Variants in APP observed in about 807,000 individuals in gnomAD.
APP encodes the protein amyloid-beta precursor protein.
A neutral mutation model predicts 101.4 loss-of-function variants in APP; 31 were observed. That is an observed-to-expected ratio of 0.31 (90% confidence interval 0.23 to 0.41). APP has a LOEUF of 0.41. Ranked by LOEUF, APP falls within the 10% of genes least tolerant of loss-of-function variation. The pLI is 1.00. For synonymous variants in APP, 366 were observed against 364.4 expected (o/e 1.00, Z -0.05); for missense variants, 839 against 1,003.7 (o/e 0.84, Z 2.22).
intron 3 of APP, chr21:26,089,652 G>A (rs1601431052): frequency 1.5e-5 from 4 of 265,078 alleles, no homozygotes; most frequent in African/African-American, 6.5e-5. Flanking sequence ...AAGAATTCCC[G>A]GATCCGCTAC....
chr21:26,025,471 T>C (rs2044528025), intron 5 of APP, among the ~76,000 whole-genome samples: 1 of 152,190 alleles, frequency 6.6e-6, no homozygotes, highest in Non-Finnish European at 1.5e-5. Flanking sequence ...GATGTCCAAG[T>C]GTACCATCCA....
Position 25,915,309 on chromosome 21 carries a change from A to C in APP, c.1688-3347T>G, listed in dbSNP as rs113684422. Among the ~76,000 whole-genome samples the C allele has an allele frequency of 4.3e-3, 651 of 152,318 alleles. 5 individuals carry two copies. Among genetic ancestry groups the C allele is most frequent in the African/African-American group, 0.015 (616 of 41,562 alleles). On this transcript the variant is annotated intron_variant, in intron 13 of 17. Transcript: ENST00000346798. Reference sequence around the variant, plus strand: ...TTGAACTCTTTAGAGCCCAGCTCAAATGCCCTCTCCTGTATGACTCTCCTC... The same window carrying C: ...TTGAACTCTTTAGAGCCCAGCTCAACTGCCCTCTCCTGTATGACTCTCCTC...
intron 14 of APP, 52 bp downstream of exon 14, chr21:25,911,689 T>C: frequency 6.7e-7 from 1 of 1,487,082 alleles, no homozygotes; most frequent in East Asian, 2.3e-5. Context: ...ACACGTTATG[T>C]ATGTGTATAT....
intron 1 of APP, among the ~76,000 whole-genome samples, chr21:26,128,647 C>G (rs888327981): frequency 6.6e-6 from 1 of 151,868 alleles, no homozygotes; most frequent in Non-Finnish European, 1.5e-5. Context: ...ACAGTTATTA[C>G]CTGGGAGTGG....
Position 25,912,271 on chromosome 21 carries a change from TC to T in APP, c.1688-310del, listed in dbSNP as rs1329228644. 2.0e-5 allele frequency among the ~76,000 whole-genome samples: 3 copies of T among 152,302 alleles called. No individual in the cohort carries two copies. In the East Asian group the frequency reaches 5.8e-4, roughly 29 times the overall value. ...GCTAGAGGTGAAAGGCCACAGGGGC[TC>T]AGCTGCCATTTCCTCCTGACACAGT... On this transcript the variant is annotated intron_variant, in intron 13 of 17. Transcript: ENST00000346798.
At chr21:26,045,993 CAA>C (rs200804899) in intron 5 of APP, among the ~76,000 whole-genome samples, 1,759 of 151,760 alleles carry the variant, frequency 0.012, 36 homozygotes, top group African/African-American at 0.04. Context: ...TGGCAGCAGG[CAA>C]AGAGAGAGAA....
At chr21:26,103,972 CAGCTCTGGA>C (rs1194844307) in intron 2 of APP, among the ~76,000 whole-genome samples, 1 of 152,164 alleles carries the variant, frequency 6.6e-6, no homozygotes, top group African/African-American at 2.4e-5. Flanking sequence ...TCTTTTGTCA[CAGCTCTGGA>C]AGCTGGAAGT....
chr21:26,102,743 T>C (rs1310111601), intron 2 of APP, among the ~76,000 whole-genome samples: 1 of 151,492 alleles, frequency 6.6e-6, no homozygotes, highest in Non-Finnish European at 1.5e-5. Flanking sequence ...ATACAAAAAT[T>C]ATCTGAGAAT....
At chr21:26,048,494 T>C (rs1010675356) in intron 5 of APP, among the ~76,000 whole-genome samples, 1 of 152,206 alleles carries the variant, frequency 6.6e-6, no homozygotes, top group African/African-American at 2.4e-5. Context: ...AAAGTCGTCC[T>C]GGGCAGTGGG....
intron 14 of APP, among the ~76,000 whole-genome samples, chr21:25,907,507 T>C (rs1188925211): frequency 1.3e-5 from 2 of 152,224 alleles, no homozygotes; most frequent in Non-Finnish European, 2.9e-5. Context: ...ACATCTTACA[T>C]TGGCTGTTTA....
At chr21:25,885,478 A>G (rs2037263417) in intron 17 of APP, among the ~76,000 whole-genome samples, 2 of 152,236 alleles carry the variant, frequency 1.3e-5, no homozygotes, top group Non-Finnish European at 2.9e-5. Flanking sequence ...CCATTTTCCA[A>G]CTGGGCAGGA....
At chr21:26,006,668 T>C (rs763276074) in intron 6 of APP, among the ~76,000 whole-genome samples, 3 of 152,236 alleles carry the variant, frequency 2.0e-5, no homozygotes, top group Non-Finnish European at 4.4e-5. Context: ...AAATTCTTTG[T>C]GGACAACCAA....
intron 11 of APP, among the ~76,000 whole-genome samples, chr21:25,966,191 A>T (rs990908479): frequency 2.6e-5 from 4 of 152,242 alleles, no homozygotes; most frequent in African/African-American, 9.6e-5. Context: ...GTAGGGAAGT[A>T]ATAGTACTGA....
intron 3 of APP, among the ~76,000 whole-genome samples, chr21:26,076,484 T>C (rs980572106): frequency 3.9e-5 from 6 of 152,166 alleles, no homozygotes; most frequent in African/African-American, 1.2e-4. Flanking sequence ...CAAACACGTG[T>C]CACTAAAGGA....
At chr21:26,066,443 C>A (rs1237005267) in intron 3 of APP, among the ~76,000 whole-genome samples, 1 of 151,922 alleles carries the variant, frequency 6.6e-6, no homozygotes, top group Non-Finnish European at 1.5e-5. Context: ...TAAAACCCTG[C>A]ACACCATTAA....
intron 8 of APP, among the ~76,000 whole-genome samples, chr21:25,984,627 T>A (rs2042570282): frequency 6.6e-6 from 1 of 152,180 alleles, no homozygotes; most frequent in South Asian, 2.1e-4. Context: ...AACTTAATGA[T>A]TAAGTTAAAA....
At chr21:25,905,563 A>G (rs947931445) in intron 14 of APP, among the ~76,000 whole-genome samples, 19 of 152,240 alleles carry the variant, frequency 1.2e-4, no homozygotes, top group African/African-American at 4.1e-4. Context: ...TCAGGAGAGC[A>G]AAGTTTTACT....
chr21:26,044,581 C>T (rs1025032167), intron 5 of APP, among the ~76,000 whole-genome samples: 2 of 151,872 alleles, frequency 1.3e-5, no homozygotes, highest in African/African-American at 4.8e-5. Context: ...CTCTTATTGC[C>T]CAGGCTGGAG....
intron 6 of APP, among the ~76,000 whole-genome samples, chr21:26,002,272 A>G (rs1201864748): frequency 6.6e-6 from 1 of 152,224 alleles, no homozygotes; most frequent in African/African-American, 2.4e-5. Context: ...TCCTGTTGAC[A>G]TCATCGTGAT....
Sources: gnomAD v4.1 joint callset for allele counts (sites outside exome capture counted in the v4.1 genomes callset) on GRCh38, gnomAD v4.1.1 for gene constraint, MANE v1.5 for transcripts, NCBI Gene and HGNC (gene_info 2026-07-23, HGNC 2026-07-21) for gene names.